Variants in OSBP2 observed in about 807,000 individuals in gnomAD.
OSBP2 encodes oxysterol-binding protein 2.
OSBP2 carries 66 observed loss-of-function variants against 96.0 expected under a neutral mutation model. The observed-to-expected ratio is 0.69, with a 90% CI of 0.56 to 0.84. The LOEUF (loss-of-function observed/expected upper bound fraction) is 0.84, where lower values mean the gene tolerates loss of function less well. Ranked by LOEUF, OSBP2 falls within the 40% of genes least tolerant of loss-of-function variation. The pLI is 0.00. For synonymous variants in OSBP2, 525 were observed against 520.9 expected, an observed-to-expected ratio of 1.01 and a Z score of -0.11; for missense variants, 1,038 against 1,222.7, an observed-to-expected ratio of 0.85 and a Z score of 2.25.
Position 30,871,504 on chromosome 22 carries a change from T to A in OSBP2, c.1107+822T>A, listed in dbSNP as rs1042428507. Among the ~76,000 whole-genome samples, 25 of 151,986 alleles carry A rather than the reference T, an allele frequency of 1.6e-4. No homozygotes were observed. Among genetic ancestry groups the A allele is most frequent in the Non-Finnish European group, 3.5e-4 (24 of 67,976 alleles). Reference sequence around the variant, plus strand: ...GGCCAGGGGTGCAGTTGTAGGAGCTTGGGGTGGCCTGCTGGGAGTAAGGAG... The same window carrying A: ...GGCCAGGGGTGCAGTTGTAGGAGCTAGGGGTGGCCTGCTGGGAGTAAGGAG... On this transcript the variant is annotated intron_variant, in intron 3 of 13. Coordinates refer to ENST00000332585, the MANE Select transcript of OSBP2 (RefSeq NM_030758.4). This position sits in a 1 kb window ranked among gnomAD's most constrained non-coding sequence, Gnocchi z 4.7.
chr22:30,818,316 T>G (rs187876281), intron 2 of OSBP2, among the ~76,000 whole-genome samples: 2 of 152,302 alleles, frequency 1.3e-5, no homozygotes, highest in East Asian at 3.9e-4. Context: ...TTCCCTGACA[T>G]TATCACTTAC....
chr22:30,861,115 T>C (rs995459426), intron 2 of OSBP2, among the ~76,000 whole-genome samples: 1 of 152,192 alleles, frequency 6.6e-6, no homozygotes, highest in African/African-American at 2.4e-5. Flanking sequence ...CTGGGATTTG[T>C]GCTTGTCGAT....
chr22:30,721,323 G>A (rs1196692627), intron 1 of OSBP2, among the ~76,000 whole-genome samples: 1 of 152,196 alleles, frequency 6.6e-6, no homozygotes, highest in East Asian at 1.9e-4. Context: ...CATGTCATTG[G>A]TTACTGGGTG....
At chr22:30,722,559 C>T (rs1023936451) in intron 1 of OSBP2, among the ~76,000 whole-genome samples, 2 of 152,110 alleles carry the variant, frequency 1.3e-5, no homozygotes, top group African/African-American at 2.4e-5. Flanking sequence ...AATTTCCCCA[C>T]TGATTTATAA....
intron 2 of OSBP2, among the ~76,000 whole-genome samples, chr22:30,768,601 C>A (rs1264111704): frequency 1.3e-5 from 2 of 151,622 alleles, no homozygotes; most frequent in Non-Finnish European, 2.9e-5. Context: ...CGCTTGAACC[C>A]GGGAGGCCCA....
chr22:30,898,092 T>C (rs1484551456), intron 12 of OSBP2, among the ~76,000 whole-genome samples: 6 of 152,004 alleles, frequency 3.9e-5, no homozygotes, highest in African/African-American at 4.8e-5. Context: ...AAGTTCAACA[T>C]AGAAATCCAA....
At chr22:30,773,956 C>T (rs577528961) in intron 2 of OSBP2, among the ~76,000 whole-genome samples, 4 of 152,256 alleles carry the variant, frequency 2.6e-5, no homozygotes, top group South Asian at 4.2e-4. Context: ...TTGTGTGAAG[C>T]GCAGTGGGGG....
chr22:30,901,866 A>C (rs2040203624), intron 12 of OSBP2, among the ~76,000 whole-genome samples: 1 of 152,124 alleles, frequency 6.6e-6, no homozygotes, highest in Admixed American at 6.5e-5. Context: ...CTGTCCCCCC[A>C]CAAAAAAAGA....
intron 3 of OSBP2, among the ~76,000 whole-genome samples, chr22:30,880,947 C>A (rs1037446887): frequency 6.6e-5 from 10 of 152,194 alleles, no homozygotes; most frequent in Non-Finnish European, 1.5e-4. Context: ...CTTCCCCAGG[C>A]CAGACTTCTC....
At chr22:30,857,403 C>T (rs747544539) in intron 2 of OSBP2, among the ~76,000 whole-genome samples, 3 of 152,256 alleles carry the variant, frequency 2.0e-5, no homozygotes, top group Middle Eastern at 3.4e-3. Context: ...GACAGATGGA[C>T]GCTTTAAGCT....
intron 2 of OSBP2, among the ~76,000 whole-genome samples, chr22:30,806,094 T>A (rs1270838112): frequency 6.6e-6 from 1 of 152,188 alleles, no homozygotes; most frequent in Non-Finnish European, 1.5e-5. Flanking sequence ...AACTCAGTCA[T>A]CATCATGACC....
chr22:30,737,902 C>T lies in OSBP2; in HGVS notation c.645-3259C>T, dbSNP rs184840940. The stretch of plus-strand genomic sequence containing the variant: ...CTAATTTTTGTATTTTTAGTAGAGA[C>T]GGGGTTTCACTATGTTGGCCAGGCT... On this transcript the variant is annotated intron_variant, in intron 1 of 13. Transcript: ENST00000332585. 4.0e-5 allele frequency among the ~76,000 whole-genome samples: 6 copies of T among 151,782 alleles called. No homozygotes were observed. The East Asian group carries it at 1.2e-3, about 29-fold the overall frequency.
Position 30,766,739 on chromosome 22 carries a change from G to A in OSBP2, c.853+25370G>A, listed in dbSNP as rs139042376. On this transcript the variant is annotated intron_variant, in intron 2 of 13. Coordinates refer to ENST00000332585, the MANE Select transcript of OSBP2 (RefSeq NM_030758.4). ...CCCCTCCATGACGCCGGGACAGGAA[G>A]CTAGACTCAGTCTCTTCCATATGGC... Among the ~76,000 whole-genome samples, 6 of 152,310 alleles carry A rather than the reference G, an allele frequency of 3.9e-5. No homozygotes were observed. In the East Asian group the frequency reaches 1.2e-3, roughly 29 times the overall value.
At chr22:30,780,805 A>G (rs1358532919) in intron 2 of OSBP2, among the ~76,000 whole-genome samples, 1 of 151,694 alleles carries the variant, frequency 6.6e-6, no homozygotes, top group African/African-American at 2.4e-5. Context: ...GCCTACAACT[A>G]AACTGTTTAA....
intron 2 of OSBP2, among the ~76,000 whole-genome samples, chr22:30,799,259 A>G (rs1230015537): frequency 6.6e-6 from 1 of 151,798 alleles, no homozygotes; most frequent in Non-Finnish European, 1.5e-5. Flanking sequence ...ACAGGCGCCC[A>G]CCACCACACC....
chr22:30,889,921 C>A (rs2039906566), intron 7 of OSBP2, among the ~76,000 whole-genome samples: 1 of 152,168 alleles, frequency 6.6e-6, no homozygotes, highest in Non-Finnish European at 1.5e-5. Flanking sequence ...CAGGACCTTA[C>A]CATGTCCCAG....
intron 2 of OSBP2, among the ~76,000 whole-genome samples, chr22:30,799,324 G>A (rs982004484): frequency 4.6e-5 from 7 of 152,106 alleles, no homozygotes; most frequent in African/African-American, 7.2e-5. Flanking sequence ...CTTGGTCTTC[G>A]AGACCAAGCT....
chr22:30,795,665 A>G (rs749285671), intron 2 of OSBP2, among the ~76,000 whole-genome samples: 3 of 151,946 alleles, frequency 2.0e-5, no homozygotes, highest in Non-Finnish European at 2.9e-5. Context: ...GATTACAGGC[A>G]TGCGCCACCA....
At chr22:30,732,719 G>A (rs1282779525) in intron 1 of OSBP2, among the ~76,000 whole-genome samples, 1 of 152,202 alleles carries the variant, frequency 6.6e-6, no homozygotes, top group Non-Finnish European at 1.5e-5. Context: ...TAGCTGTGGG[G>A]GACATGGCAC....
Sources: allele counts gnomAD v4.1 joint callset (sites outside exome capture counted in the v4.1 genomes callset), GRCh38; gene constraint gnomAD v4.1.1; non-coding constraint Gnocchi (gnomAD v3.1); transcripts MANE v1.5; gene names NCBI Gene and HGNC (gene_info 2026-07-23, HGNC 2026-07-21).